Variants in CCSER1 observed in about 807,000 individuals in gnomAD.
The protein encoded by CCSER1 is coiled-coil serine rich protein 1.
In CCSER1, 41 loss-of-function variants were observed where a neutral mutation model predicts 82.0. The ratio of observed to expected loss-of-function variants is 0.50; its 90% confidence interval spans 0.39 to 0.65. The LOEUF is 0.65. Ranked by LOEUF, CCSER1 falls within the 30% of genes least tolerant of loss-of-function variation. CCSER1 has a pLI of 0.00. For missense variants in CCSER1, 1,119 were observed against 1,064.2 expected (o/e 1.05, Z -0.72); for synonymous variants, 414 against 383.9 (o/e 1.08, Z -0.92).
At chr4:90,161,324 T>A (rs375958880) in intron 1 of CCSER1, among the ~76,000 whole-genome samples, 1 of 152,186 alleles carries the variant, frequency 6.6e-6, no homozygotes, top group Admixed American at 6.6e-5. Flanking sequence ...TTTCAGGTAC[T>A]GTTCTAATGT....
chr4:91,359,013 C>T (rs557551191), intron 10 of CCSER1, among the ~76,000 whole-genome samples: 1 of 152,258 alleles, frequency 6.6e-6, no homozygotes, highest in African/African-American at 2.4e-5. Context: ...GAAGGAAGGG[C>T]TTTATTCAGC....
intron 4 of CCSER1, among the ~76,000 whole-genome samples, chr4:90,436,706 A>C (rs1759039555): frequency 6.6e-6 from 1 of 152,190 alleles, no homozygotes; most frequent in Admixed American, 6.5e-5. Context: ...CTATAGAATG[A>C]TGTAAGAGTA....
chr4:91,582,990 G>A (rs1763804896), intron 10 of CCSER1, among the ~76,000 whole-genome samples: 1 of 151,370 alleles, frequency 6.6e-6, no homozygotes, highest in Non-Finnish European at 1.5e-5. Context: ...GCTCCAGAAT[G>A]ACTAATCCCA....
At chr4:90,167,171 A>T (rs1451086682) in intron 1 of CCSER1, among the ~76,000 whole-genome samples, 1 of 152,110 alleles carries the variant, frequency 6.6e-6, no homozygotes, top group East Asian at 1.9e-4. Flanking sequence ...AAGAAGTTAC[A>T]AAGGTGTTAA....
chr4:90,559,063 G>C (rs373063661), intron 5 of CCSER1, among the ~76,000 whole-genome samples: 5 of 152,114 alleles, frequency 3.3e-5, no homozygotes, highest in African/African-American at 1.2e-4. Context: ...GGTCTGCCAG[G>C]GTCCATTGCA....
chr4:90,938,629 T>G (rs1731233543), intron 9 of CCSER1: 1 of 340,422 alleles, frequency 2.9e-6, no homozygotes, highest in Admixed American at 3.4e-5. Context: ...AAATTTCATT[T>G]TATTTTATTG....
At position 91,396,823 on chromosome 4, in the gene CCSER1, G is replaced by A. The variant is rs114440678; in HGVS notation, c.2218-201749G>A. 4.6e-3 allele frequency among the ~76,000 whole-genome samples: 701 copies of A among 152,010 alleles called. 9 individuals carry two copies. The highest frequency in any genetic ancestry group is 3.6e-3 in the Non-Finnish European group (246 of 67,940). On this transcript the variant is annotated intron_variant, in intron 10 of 10. Coordinates refer to ENST00000509176, the MANE Select transcript of CCSER1 (RefSeq NM_001145065.2). ...ATCAAAAAATTTTAAAGCTTATTAC[G>A]AGTCAAGAATTGTGGTAAATGAGCA... is the stretch of plus-strand genomic sequence containing the variant.
chr4:90,992,684 G>A (rs1040308430), intron 9 of CCSER1, among the ~76,000 whole-genome samples: 3 of 151,902 alleles, frequency 2.0e-5, no homozygotes, highest in South Asian at 2.1e-4. Flanking sequence ...TTGTAGGGCC[G>A]TTAGGTCTTC....
intron 1 of CCSER1, among the ~76,000 whole-genome samples, chr4:90,232,586 C>A (rs1560843414): frequency 6.9e-6 from 1 of 144,856 alleles, no homozygotes; most frequent in Non-Finnish European, 1.5e-5. Context: ...GTCTAAAACA[C>A]CAAAAGCAAT....
At chr4:90,627,668 G>A (rs1022843192) in intron 5 of CCSER1, among the ~76,000 whole-genome samples, 3 of 151,990 alleles carry the variant, frequency 2.0e-5, no homozygotes, top group African/African-American at 7.2e-5. Flanking sequence ...CTACTGGAAT[G>A]TGTGAAAATT....
At chr4:90,451,816 A>C (rs1761497940) in intron 4 of CCSER1, among the ~76,000 whole-genome samples, 1 of 152,134 alleles carries the variant, frequency 6.6e-6, no homozygotes, top group Non-Finnish European at 1.5e-5. Context: ...TATTTTATGC[A>C]TCCCCTTTTG....
chr4:90,136,566 A>C (rs1359258320), intron 1 of CCSER1, among the ~76,000 whole-genome samples: 1 of 152,228 alleles, frequency 6.6e-6, no homozygotes, highest in Non-Finnish European at 1.5e-5. Flanking sequence ...TTGCAATAGC[A>C]GTAAATAATG....
At chr4:90,312,825 A>G (rs968905459) in intron 2 of CCSER1, 38 bp from the exon 3 acceptor site, 7 of 1,417,382 alleles carry the variant, frequency 4.9e-6, no homozygotes, top group Non-Finnish European at 5.8e-6. Context: ...CTACATTTAA[A>G]TATTTACCTT....
intron 5 of CCSER1, among the ~76,000 whole-genome samples, chr4:90,612,164 A>G (rs1341160924): frequency 6.6e-6 from 1 of 152,146 alleles, no homozygotes; most frequent in Non-Finnish European, 1.5e-5. Flanking sequence ...AAAATAAACT[A>G]TTTAGTTCCA....
At chr4:90,958,493 ATT>A (rs112640977) in intron 9 of CCSER1, among the ~76,000 whole-genome samples, 1 of 146,096 alleles carries the variant, frequency 6.8e-6, no homozygotes, top group Admixed American at 6.8e-5. Flanking sequence ...ATGGTAAAAC[ATT>A]TTTTTTTTTT....
chr4:91,093,847 C>T (rs1337082880), intron 10 of CCSER1, among the ~76,000 whole-genome samples: 1 of 152,172 alleles, frequency 6.6e-6, no homozygotes, highest in African/African-American at 2.4e-5. Flanking sequence ...CCTTTGTAAC[C>T]CCATACAACG....
intron 10 of CCSER1, among the ~76,000 whole-genome samples, chr4:91,183,343 C>T (rs1335697183): frequency 6.6e-6 from 1 of 152,040 alleles, no homozygotes. Flanking sequence ...ACTTTTTGAG[C>T]CAGAATAAGA....
At chr4:90,302,878 G>C (rs1733442369) in intron 1 of CCSER1, among the ~76,000 whole-genome samples, 1 of 152,050 alleles carries the variant, frequency 6.6e-6, no homozygotes, top group Non-Finnish European at 1.5e-5. Context: ...GAAAATGGCA[G>C]TCATCAGTGA....
intron 10 of CCSER1, among the ~76,000 whole-genome samples, chr4:91,113,954 G>A (rs1358208789): frequency 6.6e-6 from 1 of 151,704 alleles, no homozygotes; most frequent in African/African-American, 2.4e-5. Flanking sequence ...CTGAGTTCAC[G>A]CCGTTCTCCT....
Sources: gnomAD v4.1 joint callset for allele counts (sites outside exome capture counted in the v4.1 genomes callset) on GRCh38, gnomAD v4.1.1 for gene constraint, MANE v1.5 for transcripts, NCBI Gene and HGNC (gene_info 2026-07-23, HGNC 2026-07-21) for gene names.